ANO3: variants seen among roughly 807,000 people sequenced by gnomAD.
ANO3 encodes anoctamin 3.
ANO3 carries 99 observed loss-of-function variants against 144.8 expected under a neutral mutation model. That is an observed-to-expected ratio of 0.68 (90% CI 0.58 to 0.81). The LOEUF is 0.81. Ranked by LOEUF, ANO3 falls within the 30% of genes least tolerant of loss-of-function variation. ANO3 has a pLI of 0.00. For missense variants in ANO3, 905 were observed against 1,202.2 expected, an observed-to-expected ratio of 0.75 and a Z score of 3.66; for synonymous variants, 414 against 392.6, an observed-to-expected ratio of 1.05 and a Z score of -0.64.
intron 3 of ANO3, among the ~76,000 whole-genome samples, chr11:26,454,693 T>C (rs754665972): frequency 2.2e-4 from 33 of 151,730 alleles, no homozygotes; most frequent in Non-Finnish European, 4.6e-4. Flanking sequence ...TTCCAATCGA[T>C]AGAAAAAGAG....
At chr11:26,582,720 TA>T (rs1226951508) in intron 14 of ANO3, among the ~76,000 whole-genome samples, 1 of 152,190 alleles carries the variant, frequency 6.6e-6, no homozygotes, top group Non-Finnish European at 1.5e-5. Context: ...TTTTCTTCTT[TA>T]TACTTTTAAT....
At chr11:26,261,049 C>G (rs546694184) in intron 1 of ANO3, among the ~76,000 whole-genome samples, 2 of 152,182 alleles carry the variant, frequency 1.3e-5, no homozygotes, top group Non-Finnish European at 2.9e-5. Context: ...CCCTTCTAAG[C>G]TTCTCTGTAT....
chr11:26,578,545 C>T (rs763566768), intron 14 of ANO3, among the ~76,000 whole-genome samples: 3 of 152,062 alleles, frequency 2.0e-5, no homozygotes, highest in Non-Finnish European at 4.4e-5. Context: ...AAGGAGCGGG[C>T]GATCATCACA....
At chr11:26,259,941 G>T (rs1280292780) in intron 1 of ANO3, among the ~76,000 whole-genome samples, 2 of 152,134 alleles carry the variant, frequency 1.3e-5, no homozygotes, top group African/African-American at 4.8e-5. Flanking sequence ...AGGGCAACCG[G>T]TTTGCCACCA....
chr11:26,644,190 A>G (rs2133066429), intron 23 of ANO3, among the ~76,000 whole-genome samples: 1 of 152,350 alleles, frequency 6.6e-6, no homozygotes, highest in Admixed American at 6.5e-5. Flanking sequence ...AATAAAAGGA[A>G]CATTAATTTA....
At chr11:26,584,350 G>T (rs1032536179) in intron 14 of ANO3, among the ~76,000 whole-genome samples, 4 of 152,062 alleles carry the variant, frequency 2.6e-5, no homozygotes, top group African/African-American at 9.7e-5. Flanking sequence ...GTAGAGACAG[G>T]GTTTCACCAT....
intron 24 of ANO3, among the ~76,000 whole-genome samples, chr11:26,651,639 A>G (rs1374988180): frequency 6.6e-6 from 1 of 152,078 alleles, no homozygotes; most frequent in Non-Finnish European, 1.5e-5. Context: ...TTTTTAAATG[A>G]AGTAATAGAC....
intron 5 of ANO3, among the ~76,000 whole-genome samples, chr11:26,510,685 G>C (rs1482878344): frequency 6.6e-6 from 1 of 152,156 alleles, no homozygotes; most frequent in Non-Finnish European, 1.5e-5. Flanking sequence ...TCACTGCCTT[G>C]ACTAAATTTA....
At chr11:26,228,014 C>T (rs935878431) in intron 1 of ANO3, among the ~76,000 whole-genome samples, 3 of 152,120 alleles carry the variant, frequency 2.0e-5, no homozygotes, top group African/African-American at 7.2e-5. Context: ...CAGGTAAGAG[C>T]TTCCCTGTTC....
chr11:26,395,719 T>G (rs549330888), intron 1 of ANO3, among the ~76,000 whole-genome samples: 129 of 144,670 alleles, frequency 8.9e-4, no homozygotes, highest in African/African-American at 3.3e-3. Flanking sequence ...TAATAAATGG[T>G]GTTGGGAAAA....
chr11:26,379,931 G>T (rs866557350), intron 1 of ANO3, among the ~76,000 whole-genome samples: 23 of 152,294 alleles, frequency 1.5e-4, no homozygotes, highest in Admixed American at 2.6e-4. Flanking sequence ...GCATTTAGAT[G>T]CATTGGAGAG....
chr11:26,471,584 T>G (rs894183163), intron 4 of ANO3, among the ~76,000 whole-genome samples: 3 of 151,518 alleles, frequency 2.0e-5, no homozygotes, highest in African/African-American at 7.3e-5. Context: ...ACCACCACCA[T>G]CACAAAACAA....
intron 18 of ANO3, among the ~76,000 whole-genome samples, chr11:26,633,253 T>C (rs1852843051): frequency 6.6e-6 from 1 of 152,242 alleles, no homozygotes. Context: ...CTTATTTTTT[T>C]CTTTTAAGCA....
At chr11:26,474,261 A>G (rs959199493) in intron 4 of ANO3, 2 of 204,994 alleles carry the variant, frequency 9.8e-6, no homozygotes, top group African/African-American at 4.7e-5. Flanking sequence ...TTATTTCAAA[A>G]TACTAGATAT....
chr11:26,478,459 C>T (rs1471630427), intron 4 of ANO3, among the ~76,000 whole-genome samples: 1 of 151,454 alleles, frequency 6.6e-6, no homozygotes, highest in Non-Finnish European at 1.5e-5. Context: ...CTTTGTTGGC[C>T]CTCTTTCCCT....
At chr11:26,209,704 C>T (rs1443842655) in intron 1 of ANO3, among the ~76,000 whole-genome samples, 1 of 152,196 alleles carries the variant, frequency 6.6e-6, no homozygotes, top group Non-Finnish European at 1.5e-5. Flanking sequence ...GAGATGGTAT[C>T]TCATTGTGGT....
intron 1 of ANO3, among the ~76,000 whole-genome samples, chr11:26,314,183 A>AGAG (rs1854569980): frequency 6.6e-6 from 1 of 152,180 alleles, no homozygotes; most frequent in Non-Finnish European, 1.5e-5. Flanking sequence ...CCGTCTTATA[A>AGAG]GACAGCTGAG....
chr11:26,595,457 G>GTTTTTTTTTTTTTTTTTTTT (rs1411703035), intron 14 of ANO3, among the ~76,000 whole-genome samples: 1 of 67,840 alleles, frequency 1.5e-5, no homozygotes, highest in African/African-American at 6.5e-5. Flanking sequence ...TTGAGATAGA[G>GTTTTTTTTTTTTTTTTTTTT]TTGTTTTTTT....
intron 1 of ANO3, among the ~76,000 whole-genome samples, chr11:26,438,464 C>G (rs954128130): frequency 6.6e-6 from 1 of 151,418 alleles, no homozygotes; most frequent in Non-Finnish European, 1.5e-5. Flanking sequence ...TCACAGCTGC[C>G]GGCCGGGTGC....
Sources: allele counts gnomAD v4.1 joint callset (sites outside exome capture counted in the v4.1 genomes callset), GRCh38; gene constraint gnomAD v4.1.1; transcripts MANE v1.5; gene names NCBI Gene and HGNC (gene_info 2026-07-23, HGNC 2026-07-21).